The following CADM3 variants were observed in gnomAD, a reference collection of about 807,000 sequenced individuals.
The protein encoded by CADM3 is cell adhesion molecule 3.
Under a neutral mutation model 44.9 loss-of-function variants are expected in CADM3, and 11 were observed. That is an observed-to-expected ratio of 0.25 (90% CI 0.15 to 0.41). The LOEUF is 0.41. CADM3 is among the 10% of genes least tolerant of loss of function. The probability of loss-of-function intolerance (pLI) is 1.00; values close to 1 mark genes in which losing one functional copy is unlikely to be tolerated. For missense variants in CADM3, 426 were observed against 512.0 expected, an observed-to-expected ratio of 0.83 and a Z score of 1.62; for synonymous variants, 207 against 205.2, an observed-to-expected ratio of 1.01 and a Z score of -0.08.
At chr1:159,192,126 G>A in intron 2 of CADM3, 50 bp downstream of exon 2, 1 of 1,590,352 alleles carries the variant, frequency 6.3e-7, no homozygotes, top group South Asian at 1.1e-5. Context: ...GGCTAGAGAA[G>A]GGGACTGCAG....
At chr1:159,193,589 G>T in intron 4 of CADM3, 29 bp downstream of exon 4, 1 of 1,614,102 alleles carries the variant, frequency 6.2e-7, no homozygotes, top group Non-Finnish European at 8.5e-7. Flanking sequence ...GGGGTTACAG[G>T]AGAAAGTGGT....
At chr1:159,194,177 A>T (rs1649795368) in intron 5 of CADM3, 137 bp downstream of exon 5, 1 of 955,594 alleles carries the variant, frequency 1.0e-6, no homozygotes. Context: ...GACTGCCAGG[A>T]CTAGGCCAGG....
intron 1 of CADM3, among the ~76,000 whole-genome samples, chr1:159,191,489 A>T (rs862989): frequency 2.0e-5 from 3 of 152,042 alleles, no homozygotes; most frequent in Non-Finnish European, 4.4e-5. Context: ...TAGTTTTAGG[A>T]TTATTAGTCA....
In CADM3 at chr1:159,192,721, A is replaced by G; in HGVS notation, c.373A>G (p.Thr125Ala). 1 of 1,613,398 alleles carries G rather than the reference A, an allele frequency of 6.2e-7. No individual in the cohort carries two copies. The highest frequency in any genetic ancestry group is 8.5e-7 in the Non-Finnish European group (1 of 1,179,820). The change falls in exon 3 of 9, where the codon ACT (threonine) becomes GCT (alanine). Residue 125 changes from threonine (T) to alanine (A), a missense_variant. Thr to Ala is a moderately conservative substitution (Grantham distance 58). Around this residue, in one of 2 missense-constraint regions of CADM3, gnomAD observed 362 missense variants for 474.6 expected, o/e 0.76. Transcript: ENST00000368125. ...MPVRTAKSLV[T>A]VLGIPQKPII... ...TGTGCGAACTGCCAAGTCCCTCGTC[A>G]CTGTGCTAGGTGAGACTCCCAAACC...
At chr1:159,178,453 G>A (rs1649107015) in intron 1 of CADM3, 1 of 152,098 alleles carries the variant, frequency 6.6e-6, no homozygotes, top group Non-Finnish European at 1.5e-5. Context: ...TAAATGAGAG[G>A]CATAGAAAGC....
chr1:159,172,024 A>G (rs1185819396), intron 1 of CADM3, among the ~76,000 whole-genome samples, 171 bp downstream of exon 1: 1 of 151,792 alleles, frequency 6.6e-6, no homozygotes, highest in Non-Finnish European at 1.5e-5. Flanking sequence ...GTCTCTGTGG[A>G]CTGTGGGTGT....
At chr1:159,200,464 C>A (rs765716485) in intron 8 of CADM3, among the ~76,000 whole-genome samples, 1 of 152,074 alleles carries the variant, frequency 6.6e-6, no homozygotes, top group Non-Finnish European at 1.5e-5. Flanking sequence ...GCAGATCCCC[C>A]GTCACCAAGT....
chr1:159,180,693 T>C (rs556724355), intron 1 of CADM3, among the ~76,000 whole-genome samples: 3 of 152,196 alleles, frequency 2.0e-5, no homozygotes, highest in South Asian at 2.1e-4. Flanking sequence ...TTTTTCTTCA[T>C]GTAATGCTCC....
chr1:159,172,092 G>C (rs950060706), intron 1 of CADM3, among the ~76,000 whole-genome samples: 3 of 152,180 alleles, frequency 2.0e-5, no homozygotes, highest in Admixed American at 6.5e-5. Context: ...TGTGCACCGG[G>C]GTTTGGCTCT....
chr1:159,194,152 A>G, intron 5 of CADM3, 112 bp downstream of exon 5: 1 of 1,166,824 alleles, frequency 8.6e-7, no homozygotes, highest in Non-Finnish European at 1.2e-6. Context: ...GTGAATAGGT[A>G]AAAAATGAAA....
Position 159,193,864 on chromosome 1 carries a change from C to T in CADM3, c.521-6C>T, listed in dbSNP as rs1222088892. On this transcript the variant is annotated splice_polypyrimidine_tract_variant and splice_region_variant and intron_variant, in intron 4 of 8. Coordinates refer to ENST00000368125, the MANE Select transcript of CADM3 (RefSeq NM_001127173.3). Reference sequence around the variant, plus strand: ...TTGTGTGTGTGCCACTGTTTCTGCACTCTAGGAGAACCAACCCGCATACAG... The same window carrying T: ...TTGTGTGTGTGCCACTGTTTCTGCATTCTAGGAGAACCAACCCGCATACAG... 2.5e-6 allele frequency: 4 copies of T among 1,612,426 alleles called. No homozygotes were observed. The highest frequency in any genetic ancestry group is 1.1e-5 in the South Asian group (1 of 90,766).
At chr1:159,198,693 T>G (rs779274499) in intron 7 of CADM3, among the ~76,000 whole-genome samples, 17 of 151,368 alleles carry the variant, frequency 1.1e-4, no homozygotes, top group Non-Finnish European at 2.4e-4. Flanking sequence ...GGTGGGAGAG[T>G]TATGTCTATG....
At chr1:159,185,271 G>A (rs1271518017) in intron 1 of CADM3, among the ~76,000 whole-genome samples, 3 of 152,164 alleles carry the variant, frequency 2.0e-5, no homozygotes, top group East Asian at 1.9e-4. Flanking sequence ...CCACAGGTGC[G>A]CATTTCCAAT....
In CADM3 at chr1:159,202,779, T is replaced by A. The variant is rs549868779; in HGVS notation, c.*1857T>A. On this transcript the variant is annotated 3_prime_UTR_variant, in exon 9 of 9. Coordinates refer to ENST00000368125, the MANE Select transcript of CADM3 (RefSeq NM_001127173.3). Reference sequence around the variant, plus strand: ...GTTCAGGTAATACAGTTGTGAATCTTCCAGCCGCTGGTTAGGGCCTTGGGC... The same window carrying A: ...GTTCAGGTAATACAGTTGTGAATCTACCAGCCGCTGGTTAGGGCCTTGGGC... 2.0e-5 allele frequency: 3 copies of A among 152,026 alleles called. No homozygotes were observed. Among genetic ancestry groups the A allele is most frequent in the African/African-American group, 7.3e-5 (3 of 41,364 alleles). 9.4% of individuals were successfully genotyped at this position (152,026 alleles called of 1,614,324 possible). A position where few individuals can be genotyped will look rare whatever the true frequency, so the allele number is the denominator to read the frequency against.
chr1:159,189,631 C>A lies in CADM3; in HGVS notation c.89-2305C>A. ...GTTAATTTCGCCCCTTGGTAAGAAC[C>A]CTACCTTCTCTTAGGTATCCTGGTG... On this transcript the variant is annotated intron_variant, in intron 1 of 8. Transcript: ENST00000368125. The A allele has an allele frequency of 6.2e-6, 4 of 648,410 alleles. No homozygotes were observed. In the East Asian group the frequency reaches 1.2e-4, roughly 19 times the overall value. 40.2% of individuals were successfully genotyped at this position (648,410 alleles called of 1,614,324 possible).
rs768680759 is a variant in CADM3, at chr1:159,197,102, C to T, written c.952+42C>T. On this transcript the variant is annotated intron_variant, in intron 7 of 8. Transcript: ENST00000368125. ...TCTCTTCCTCCAGAATCTCCTTTCTCTGTCCATCTTATTCCCTTTTTTAAA... is the reference window on the plus strand; with the variant it reads ...TCTCTTCCTCCAGAATCTCCTTTCTTTGTCCATCTTATTCCCTTTTTTAAA... 7 of 1,589,428 alleles carry T rather than the reference C, an allele frequency of 4.4e-6. No individual in the cohort carries two copies. In the South Asian group the frequency reaches 7.8e-5, roughly 18 times the overall value.
intron 5 of CADM3, 117 bp downstream of exon 5, chr1:159,194,157 A>G: frequency 8.8e-7 from 1 of 1,142,614 alleles, no homozygotes; most frequent in South Asian, 1.6e-5. Flanking sequence ...TAGGTAAAAA[A>G]TGAAACAAAG....
chr1:159,193,790 C>T (rs1276116662), intron 4 of CADM3, 80 bp from the exon 5 acceptor site: 1 of 1,559,982 alleles, frequency 6.4e-7, no homozygotes, highest in Non-Finnish European at 8.8e-7. Flanking sequence ...ACAATGAGGC[C>T]CACATGATAT....
At chr1:159,199,248 G>A (rs1650040945) in intron 7 of CADM3, among the ~76,000 whole-genome samples, 2 of 151,886 alleles carry the variant, frequency 1.3e-5, no homozygotes, top group South Asian at 4.2e-4. Context: ...AGACAGGAGG[G>A]TAAGAGGGAA....
Sources: allele counts gnomAD v4.1 joint callset (sites outside exome capture counted in the v4.1 genomes callset), GRCh38; gene constraint gnomAD v4.1.1; regional missense constraint gnomAD v4.1.1; transcripts MANE v1.5; gene names NCBI Gene and HGNC (gene_info 2026-07-23, HGNC 2026-07-21).